The following METTL15 variants were observed in gnomAD, a reference collection of about 807,000 sequenced individuals.
The protein encoded by METTL15 is methyltransferase 15, mitochondrial 12S rRNA N4-cytidine.
Under a neutral mutation model 38.3 loss-of-function variants are expected in METTL15, and 34 were observed. The observed-to-expected ratio is 0.89, with a 90% CI of 0.68 to 1.18. METTL15 has a LOEUF of 1.18. Ranked by LOEUF, METTL15 falls within the 50% of genes most tolerant of loss-of-function variation. METTL15 has a pLI of 0.00. For synonymous variants in METTL15, 162 were observed against 170.9 expected, an observed-to-expected ratio of 0.95 and a Z score of 0.41; for missense variants, 438 against 498.4, an observed-to-expected ratio of 0.88 and a Z score of 1.15.
At chr11:28,319,247 C>T (rs976831339) in intron 6 of METTL15, among the ~76,000 whole-genome samples, 1 of 152,094 alleles carries the variant, frequency 6.6e-6, no homozygotes, top group Admixed American at 6.6e-5. Flanking sequence ...AAATAGCAGA[C>T]GTGGAATTAG....
chr11:28,322,749 A>C (rs7102237), intron 6 of METTL15, among the ~76,000 whole-genome samples: 57,329 of 151,986 alleles, frequency 0.38, 12,326 homozygotes, highest in African/African-American at 0.59. Flanking sequence ...TAGGATTATA[A>C]AATGTACAGT....
chr11:28,505,768 A>G (rs1253996259), intron 6 of METTL15, among the ~76,000 whole-genome samples: 3 of 152,182 alleles, frequency 2.0e-5, no homozygotes, highest in South Asian at 2.1e-4. Flanking sequence ...GGGTGGATCC[A>G]TAACTCAGCT....
intron 6 of METTL15, among the ~76,000 whole-genome samples, chr11:28,481,754 G>C (rs1286739190): frequency 6.6e-6 from 1 of 152,148 alleles, no homozygotes; most frequent in Non-Finnish European, 1.5e-5. Flanking sequence ...TTCCAGTAGA[G>C]GGGTGTGTCA....
At position 28,199,384 on chromosome 11, in the gene METTL15, C is replaced by T. The variant is rs577641942; in HGVS notation, c.271-11678C>T. ...TCTTCAAAATCTGTACCCAGCAATC[C>T]CTTCACTTCACTGTTCCAAGTTTAC... On this transcript the variant is annotated intron_variant, in intron 3 of 6. Transcript: ENST00000407364. 7.9e-5 allele frequency among the ~76,000 whole-genome samples: 12 copies of T among 152,066 alleles called. No homozygotes were observed. The South Asian group carries it at 2.3e-3, about 29-fold the overall frequency.
intron 6 of METTL15, among the ~76,000 whole-genome samples, chr11:28,497,808 C>G (rs950711735): frequency 8.5e-5 from 13 of 152,228 alleles, no homozygotes; most frequent in Middle Eastern, 3.4e-3. Flanking sequence ...CCTGTAATCC[C>G]AGCACTTTGG....
intron 4 of METTL15, among the ~76,000 whole-genome samples, chr11:28,267,968 C>T (rs865938551): frequency 1.3e-5 from 2 of 151,968 alleles, no homozygotes; most frequent in East Asian, 1.9e-4. Context: ...GAGGCCGAGG[C>T]GGGTGGATCA....
intron 5 of METTL15, among the ~76,000 whole-genome samples, chr11:28,383,610 A>G (rs895637384): frequency 1.3e-5 from 2 of 152,082 alleles, no homozygotes; most frequent in African/African-American, 2.4e-5. Context: ...CTTTTTCTCC[A>G]CAATCTCACC....
intron 6 of METTL15, among the ~76,000 whole-genome samples, chr11:28,449,195 A>G (rs1476017460): frequency 6.6e-6 from 1 of 152,192 alleles, no homozygotes; most frequent in East Asian, 1.9e-4. Flanking sequence ...AAAGTTTTGC[A>G]TGCCCAGGAG....
At position 28,431,791 on chromosome 11, in the gene METTL15, AAAAAAAAAAAAAAAAAG is replaced by A. The variant is rs1276029634; in HGVS notation, c.*424+7443_*424+7459del. ...GAATTATCAATAAAAAAATAAATTT[AAAAAAAAAAAAAAAAAG>A]AAAAAAAAAAAAAAAGAAGAGTAAA... On this transcript the variant is annotated intron_variant and NMD_transcript_variant, in intron 6 of 7. Transcript: ENST00000532947. Among the ~76,000 whole-genome samples, 317 of 11,754 alleles carry A rather than the reference AAAAAAAAAAAAAAAAAG, an allele frequency of 0.027. 3 individuals carry two copies. In the East Asian group the frequency reaches 0.37, roughly 14 times the overall value. 7.7% of individuals were successfully genotyped at this position (11,754 alleles called of 152,430 possible). A position where few individuals can be genotyped will look rare whatever the true frequency, so the allele number is the denominator to read the frequency against.
intron 3 of METTL15, among the ~76,000 whole-genome samples, chr11:28,162,820 A>G (rs1206397871): frequency 6.6e-6 from 1 of 152,252 alleles, no homozygotes; most frequent in East Asian, 1.9e-4. Context: ...GTGGGAGTGA[A>G]AAACAGAACG....
chr11:28,372,066 G>A (rs184641972), intron 5 of METTL15, among the ~76,000 whole-genome samples: 212 of 151,922 alleles, frequency 1.4e-3, no homozygotes, highest in Non-Finnish European at 2.3e-3. Context: ...ATCATATTCT[G>A]GATCTCAGTG....
intron 6 of METTL15, among the ~76,000 whole-genome samples, chr11:28,459,975 T>A (rs1851200659): frequency 6.6e-6 from 1 of 152,142 alleles, no homozygotes; most frequent in Non-Finnish European, 1.5e-5. Context: ...TCTCTAGTAC[T>A]GTGAGGCCCA....
At chr11:28,138,495 T>C (rs1405725054) in intron 3 of METTL15, among the ~76,000 whole-genome samples, 1 of 152,234 alleles carries the variant, frequency 6.6e-6, no homozygotes, top group East Asian at 1.9e-4. Context: ...ATCAAGGTTA[T>C]GGCTTAACTG....
In METTL15 at chr11:28,309,704, G is replaced by A. The variant is rs58825140; in HGVS notation, c.778+12773G>A. Among the ~76,000 whole-genome samples, 593 of 152,232 alleles carry A rather than the reference G, an allele frequency of 3.9e-3. 5 individuals carry two copies. The highest frequency in any genetic ancestry group is 0.014 in the African/African-American group (569 of 41,532). Reference sequence around the variant, plus strand: ...ATTTTCTTTCTTGTAAGGGGTAAGTGTATTATTAGACCATTCAATCTCCTG... The same window carrying A: ...ATTTTCTTTCTTGTAAGGGGTAAGTATATTATTAGACCATTCAATCTCCTG... On this transcript the variant is annotated intron_variant, in intron 6 of 6. Coordinates refer to ENST00000407364, the MANE Select transcript of METTL15 (RefSeq NM_001113528.2).
intron 6 of METTL15, among the ~76,000 whole-genome samples, chr11:28,467,015 C>T (rs186746112): frequency 1.3e-5 from 2 of 152,162 alleles, no homozygotes; most frequent in Non-Finnish European, 2.9e-5. Context: ...ATTCTGGTGG[C>T]CTGGCCTGAA....
intron 6 of METTL15, among the ~76,000 whole-genome samples, chr11:28,484,298 C>T (rs1443573245): frequency 6.6e-6 from 1 of 152,118 alleles, no homozygotes; most frequent in African/African-American, 2.4e-5. Context: ...GATAACATAG[C>T]TCTAAATTGC....
At chr11:28,194,195 C>CTT (rs1158602246) in intron 3 of METTL15, among the ~76,000 whole-genome samples, 1 of 50,336 alleles carries the variant, frequency 2.0e-5, no homozygotes, top group Non-Finnish European at 3.9e-5. Context: ...TCTCTCTCCT[C>CTT]TCTCTCTCTC....
chr11:28,503,128 A>G (rs1851598345), intron 6 of METTL15, among the ~76,000 whole-genome samples: 1 of 152,212 alleles, frequency 6.6e-6, no homozygotes, highest in Admixed American at 6.5e-5. Context: ...CTGAAGCAGC[A>G]TCAGTTGCAG....
In METTL15 at chr11:28,216,402, T is replaced by G. The variant is rs145728432; in HGVS notation, c.407+5204T>G. Among the ~76,000 whole-genome samples, 966 of 152,252 alleles carry G rather than the reference T, an allele frequency of 6.3e-3. 11 individuals are homozygous for G. Among genetic ancestry groups the G allele is most frequent in the African/African-American group, 0.022 (904 of 41,550 alleles). On this transcript the variant is annotated intron_variant, in intron 4 of 6. Transcript: ENST00000407364. ...ATGGTGCATAATTAAAAAATGATGC[T>G]GTTACAATGCCTGTCAGACTTGAAG... is the stretch of plus-strand genomic sequence containing the variant.
Sources: allele counts gnomAD v4.1 joint callset (sites outside exome capture counted in the v4.1 genomes callset), GRCh38; gene constraint gnomAD v4.1.1; transcripts MANE v1.5; gene names NCBI Gene and HGNC (gene_info 2026-07-23, HGNC 2026-07-21).